The following ARSF variants were observed in gnomAD, a reference collection of about 807,000 sequenced individuals.
ARSF encodes the protein arylsulfatase F.
A neutral mutation model predicts 35.4 loss-of-function variants in ARSF; 33 were observed. The ratio of observed to expected loss-of-function variants is 0.93; its 90% CI spans 0.71 to 1.25. The LOEUF is 1.25. Ranked by LOEUF, ARSF falls within the 50% of genes most tolerant of loss-of-function variation. The pLI is 0.00. For synonymous variants in ARSF, 222 were observed against 193.1 expected, an observed-to-expected ratio of 1.15 and a Z score of -1.24; for missense variants, 501 against 480.2, an observed-to-expected ratio of 1.04 and a Z score of -0.40.
At chrX:3,070,241 G>A (rs781012408) in intron 2 of ARSF, among the ~76,000 whole-genome samples, 46 of 111,318 alleles carry the variant, frequency 4.1e-4, no homozygotes, top group African/African-American at 1.5e-3. Flanking sequence ...CTTTTTTAAC[G>A]CTGAATAATA....
chrX:3,096,006 CAT>C (rs2090336289), intron 7 of ARSF, among the ~76,000 whole-genome samples: 1 of 107,372 alleles, frequency 9.3e-6, no homozygotes, highest in Admixed American at 1.0e-4. Flanking sequence ...ATATATACTA[CAT>C]GTTATGTAGT....
At position 3,055,741 on chromosome X, in the gene ARSF, G is replaced by A. The variant is rs181469713; in HGVS notation, c.-28-12332G>A. Among the ~76,000 whole-genome samples, 149 of 110,949 alleles carry A rather than the reference G, an allele frequency of 1.3e-3. 1 individual carries two copies. The highest frequency in any genetic ancestry group is 4.6e-3 in the African/African-American group (139 of 30,518). On this transcript the variant is annotated intron_variant, in intron 1 of 10. Coordinates refer to ENST00000381127, the MANE Select transcript of ARSF (RefSeq NM_001201539.2). ...GGTTGGATAATTCTGAGGGTCTGTC[G>A]TTGAATCTCAGTGTTTCTGCACAGC...
chrX:3,070,232 T>C (rs2090093523), intron 2 of ARSF, among the ~76,000 whole-genome samples: 1 of 111,921 alleles, frequency 8.9e-6, no homozygotes, highest in African/African-American at 3.2e-5. Flanking sequence ...AATTTCATTC[T>C]TTTTTAACGC....
chrX:3,068,070 A>G lies in ARSF; in HGVS notation c.-28-3A>G, dbSNP rs113513921. 8.7e-3 allele frequency: 10,305 copies of G among 1,187,752 alleles called. 485 individuals carry two copies. In the African/African-American group the frequency reaches 0.15, roughly 17 times the overall value. On this transcript the variant is annotated splice_region_variant and splice_polypyrimidine_tract_variant and intron_variant, in intron 1 of 10. Coordinates refer to ENST00000381127, the MANE Select transcript of ARSF (RefSeq NM_001201539.2). ...TAAATCACGTCTGTGTCTTCTGCCA[A>G]AGACAACAAGAAGGTATTCCAAGCT...
intron 4 of ARSF, among the ~76,000 whole-genome samples, chrX:3,078,425 T>C (rs186955728): frequency 2.2e-3 from 244 of 111,173 alleles, no homozygotes; most frequent in South Asian, 0.018. Context: ...CAAGCCATCT[T>C]CCCTCTTTGG....
chrX:3,068,028 T>C, intron 1 of ARSF, 45 bp from the exon 2 acceptor site: 1 of 985,704 alleles, frequency 1.0e-6, no homozygotes, highest in South Asian at 2.4e-5. Context: ...TACTTTTTTT[T>C]TTTTTTTTTG....
chrX:3,075,550 ATCTC>A (rs1347252609), intron 3 of ARSF, among the ~76,000 whole-genome samples: 1 of 93,058 alleles, frequency 1.1e-5, no homozygotes, highest in African/African-American at 4.1e-5. Context: ...CTGTCTCTCT[ATCTC>A]TCTCTCTGAT....
At chrX:3,043,554 A>G (rs1211472339) in intron 1 of ARSF, among the ~76,000 whole-genome samples, 1 of 111,247 alleles carries the variant, frequency 9.0e-6, no homozygotes, top group Non-Finnish European at 1.9e-5. Context: ...TGGACATCCT[A>G]GGGGTTCCAC....
At chrX:3,075,779 C>A (rs1188306876) in intron 3 of ARSF, among the ~76,000 whole-genome samples, 2 of 108,667 alleles carry the variant, frequency 1.8e-5, no homozygotes, top group Non-Finnish European at 3.8e-5. Flanking sequence ...CTTTGTCTAT[C>A]TCACTCTATC....
At chrX:3,049,665 G>C (rs962352783) in intron 1 of ARSF, among the ~76,000 whole-genome samples, 6 of 110,844 alleles carry the variant, frequency 5.4e-5, no homozygotes, top group African/African-American at 2.0e-4. Flanking sequence ...TCTTATTTAG[G>C]AGAAAATGGG....
In ARSF at chrX:3,101,109, T is replaced by A. The variant is rs1263017000; in HGVS notation, c.990T>A (p.Asp330Glu). The A allele has an allele frequency of 8.3e-7, 1 of 1,210,153 alleles. No homozygotes were observed. Among genetic ancestry groups the A allele is most frequent in the Non-Finnish European group, 1.1e-6 (1 of 894,562 alleles). ...SMVGKILDAI[D>E]DFGLRNNTLV... The stretch of plus-strand genomic sequence containing the variant: ...TAGGCAAGATTCTTGATGCTATCGA[T>A]GATTTTGGCCTAAGGAACAACACCC... The change falls in exon 8 of 11, where the codon GAT becomes GAA. Residue 330 changes from aspartate to glutamate, a missense_variant. By Grantham distance (45) the Asp-to-Glu change is conservative (BLOSUM62 2). Transcript: ENST00000381127.
At chrX:3,050,336 G>C (rs1292036033) in intron 1 of ARSF, among the ~76,000 whole-genome samples, 2 of 109,582 alleles carry the variant, frequency 1.8e-5, no homozygotes, top group Non-Finnish European at 3.8e-5. Flanking sequence ...CTGAGGTCAG[G>C]AGTTCGAGAC....
intron 2 of ARSF, 104 bp downstream of exon 2, chrX:3,068,215 C>T: frequency 1.3e-6 from 1 of 783,878 alleles, no homozygotes; most frequent in Non-Finnish European, 1.8e-6. Flanking sequence ...ATATCATCTG[C>T]CTTTTTTTCT....
intron 4 of ARSF, among the ~76,000 whole-genome samples, chrX:3,080,003 G>GA (rs1225240153): frequency 7.3e-5 from 6 of 81,634 alleles, no homozygotes; most frequent in Non-Finnish European, 1.5e-4. Context: ...GAGAGAGAGA[G>GA]AAAAAAAAAA....
At chrX:3,074,112 A>G (rs1041926195) in intron 3 of ARSF, among the ~76,000 whole-genome samples, 1 of 110,911 alleles carries the variant, frequency 9.0e-6, no homozygotes, top group African/African-American at 3.3e-5. Flanking sequence ...GCCAAAAATT[A>G]ACCATTGCTT....
chrX:3,112,001 G>A (rs180739742), intron 10 of ARSF, among the ~76,000 whole-genome samples, 173 bp from the exon 11 acceptor site: 8 of 111,056 alleles, frequency 7.2e-5, no homozygotes, highest in Non-Finnish European at 1.3e-4. Flanking sequence ...ATAAAGCTTC[G>A]CTCTCTCCCC....
chrX:3,044,328 T>C (rs2089966521), intron 1 of ARSF, among the ~76,000 whole-genome samples: 2 of 112,208 alleles, frequency 1.8e-5, no homozygotes, highest in African/African-American at 6.5e-5. Context: ...ACTGTTCCCC[T>C]GACCTTGACC....
At chrX:3,053,868 T>A (rs1264264729) in intron 1 of ARSF, among the ~76,000 whole-genome samples, 1 of 107,949 alleles carries the variant, frequency 9.3e-6, no homozygotes, top group Non-Finnish European at 1.9e-5. Context: ...TTCAAGCGAT[T>A]TTCCTGCCTC....
At chrX:3,068,798 G>A (rs1169631754) in intron 2 of ARSF, among the ~76,000 whole-genome samples, 2 of 111,852 alleles carry the variant, frequency 1.8e-5, no homozygotes, top group Admixed American at 9.5e-5. Context: ...TAGATGAAAA[G>A]CATTTCTATA....
Sources: allele counts gnomAD v4.1 joint callset (sites outside exome capture counted in the v4.1 genomes callset), GRCh38; gene constraint gnomAD v4.1.1; transcripts MANE v1.5; gene names NCBI Gene and HGNC (gene_info 2026-07-23, HGNC 2026-07-21).